Variants in OSBPL10 observed in about 807,000 individuals in gnomAD.
The protein encoded by OSBPL10 is oxysterol binding protein like 10.
OSBPL10 carries 49 observed loss-of-function variants against 81.7 expected under a neutral mutation model. The ratio of observed to expected loss-of-function variants is 0.60; its 90% CI spans 0.48 to 0.76. The LOEUF is 0.76. Among genes scored for constraint, OSBPL10 ranks in the 30% least tolerant of loss-of-function variants. The pLI is 0.00. For missense variants in OSBPL10, 923 were observed against 987.8 expected (o/e 0.93, Z 0.88); for synonymous variants, 419 against 383.6 (o/e 1.09, Z -1.08).
At chr3:31,883,819 T>C (rs1338316629) in intron 1 of OSBPL10, among the ~76,000 whole-genome samples, 1 of 152,202 alleles carries the variant, frequency 6.6e-6, no homozygotes, top group African/African-American at 2.4e-5. Context: ...CCACCGTGCC[T>C]GGCCACATGC....
chr3:31,744,274 C>T (rs1452847599), intron 5 of OSBPL10, among the ~76,000 whole-genome samples: 2 of 152,078 alleles, frequency 1.3e-5, no homozygotes, highest in Non-Finnish European at 2.9e-5. Context: ...GGTGCGGTGG[C>T]TCACGCCTAT....
At chr3:31,879,889 G>A (rs1695508923) in intron 1 of OSBPL10, 59 bp from the exon 2 acceptor site, 2 of 1,497,402 alleles carry the variant, frequency 1.3e-6, no homozygotes, top group Admixed American at 2.3e-5. Context: ...GCACAGCAAA[G>A]CAGAAAAAAG....
intron 4 of OSBPL10, among the ~76,000 whole-genome samples, chr3:31,801,405 T>C (rs1395942484): frequency 1.3e-5 from 2 of 152,210 alleles, no homozygotes; most frequent in Non-Finnish European, 2.9e-5. Context: ...TATAACCTCC[T>C]GTAACCCTTG....
chr3:32,052,934 C>T (rs112916453), intron 1 of OSBPL10, among the ~76,000 whole-genome samples: 29 of 151,598 alleles, frequency 1.9e-4, no homozygotes, highest in African/African-American at 7.0e-4. Context: ...CAAACCTGCA[C>T]GTTCTGCACA....
chr3:31,903,357 T>A (rs1696310115), intron 1 of OSBPL10, among the ~76,000 whole-genome samples: 1 of 148,242 alleles, frequency 6.7e-6, no homozygotes, highest in Non-Finnish European at 1.5e-5. Context: ...AGACAAGGTC[T>A]CACTATGTTG....
At chr3:31,710,350 G>T (rs1048009656) in intron 6 of OSBPL10, among the ~76,000 whole-genome samples, 5 of 152,188 alleles carry the variant, frequency 3.3e-5, no homozygotes, top group African/African-American at 1.2e-4. Flanking sequence ...GCACACAGTG[G>T]TATGTTGACT....
chr3:31,805,020 A>G (rs1699487832), intron 4 of OSBPL10, among the ~76,000 whole-genome samples: 3 of 152,184 alleles, frequency 2.0e-5, no homozygotes. Context: ...ATCATTGACA[A>G]AATTCGTAAT....
At chr3:31,969,899 TG>T (rs1698506236) in intron 1 of OSBPL10, among the ~76,000 whole-genome samples, 1 of 145,762 alleles carries the variant, frequency 6.9e-6, no homozygotes. Context: ...GCCTCTTCTT[TG>T]GAAAGGCCAT....
chr3:31,770,385 C>T (rs1327704390), intron 4 of OSBPL10, among the ~76,000 whole-genome samples: 1 of 152,078 alleles, frequency 6.6e-6, no homozygotes, highest in African/African-American at 2.4e-5. Context: ...CCTGTGTGGT[C>T]TGTTCTCCTT....
intron 4 of OSBPL10, among the ~76,000 whole-genome samples, chr3:31,752,352 C>T (rs1022881015): frequency 2.6e-5 from 4 of 152,176 alleles, no homozygotes; most frequent in Admixed American, 2.0e-4. Flanking sequence ...TTAGCTTCCA[C>T]GATCAAGGCA....
At position 31,809,406 on chromosome 3, in the gene OSBPL10, A is replaced by C. The variant is rs544390280; in HGVS notation, c.729+20634T>G. Among the ~76,000 whole-genome samples, 15 of 152,356 alleles carry C rather than the reference A, an allele frequency of 9.8e-5. No individual in the cohort carries two copies. The South Asian group carries it at 3.1e-3, about 32-fold the overall frequency. On this transcript the variant is annotated intron_variant, in intron 4 of 11. Transcript: ENST00000396556. The stretch of plus-strand genomic sequence containing the variant: ...GGAACATGTAGGATCCACAAACTTT[A>C]AAATGCTCCTGAGGAACACAAACAA...
chr3:31,754,030 A>T (rs1902342), intron 4 of OSBPL10, among the ~76,000 whole-genome samples: 75,087 of 151,954 alleles, frequency 0.49, 18,876 homozygotes, highest in East Asian at 0.65. Flanking sequence ...TCCTGGTCTC[A>T]CACCTGAACA....
At chr3:32,053,840 G>A (rs1161312062) in intron 1 of OSBPL10, among the ~76,000 whole-genome samples, 1 of 152,036 alleles carries the variant, frequency 6.6e-6, no homozygotes, top group African/African-American at 2.4e-5. Context: ...TGGGTGTAGT[G>A]GCATGTGCCT....
At chr3:31,807,302 G>A (rs754331967) in intron 4 of OSBPL10, among the ~76,000 whole-genome samples, 5 of 152,016 alleles carry the variant, frequency 3.3e-5, no homozygotes, top group Non-Finnish European at 7.4e-5. Context: ...GAACCCAGGA[G>A]GTGTAGGCTG....
rs1040894985 is a variant in OSBPL10 at position 31,791,539 on chromosome 3, A to G, written c.729+38501T>C. Among the ~76,000 whole-genome samples, 7 of 152,324 alleles carry G rather than the reference A, an allele frequency of 4.6e-5. No individual in the cohort carries two copies. The South Asian group carries it at 6.2e-4, about 14-fold the overall frequency. ...TCTTATGCCCCAGAGGTAGTTCACT[A>G]TAACTATATTCTAATATGTGTTTAT... is the stretch of plus-strand genomic sequence containing the variant. On this transcript the variant is annotated intron_variant, in intron 4 of 11. Transcript: ENST00000396556.
intron 1 of OSBPL10, among the ~76,000 whole-genome samples, chr3:31,911,513 G>A (rs1024356067): frequency 6.6e-6 from 1 of 151,710 alleles, no homozygotes; most frequent in African/African-American, 2.4e-5. Context: ...CTACAACAGG[G>A]GTGTCCAATC....
At chr3:31,704,527 G>A (rs1031087139) in intron 6 of OSBPL10, 14 of 152,212 alleles carry the variant, frequency 9.2e-5, no homozygotes, top group African/African-American at 3.4e-4. Context: ...CCAACAGGTG[G>A]AGTGGGCTGC....
intron 1 of OSBPL10, among the ~76,000 whole-genome samples, chr3:31,949,688 A>T (rs1032827015): frequency 2.0e-5 from 3 of 149,312 alleles, no homozygotes; most frequent in African/African-American, 7.3e-5. Context: ...AAAAAAAAAA[A>T]AAAAAAAAAA....
At chr3:32,054,785 C>T (rs1699695391) in intron 1 of OSBPL10, among the ~76,000 whole-genome samples, 1 of 152,144 alleles carries the variant, frequency 6.6e-6, no homozygotes, top group Non-Finnish European at 1.5e-5. Context: ...CCTGCCTCAG[C>T]CTCCCAAAGT....
Sources: gnomAD v4.1 joint callset for allele counts (sites outside exome capture counted in the v4.1 genomes callset) on GRCh38, gnomAD v4.1.1 for gene constraint, MANE v1.5 for transcripts, NCBI Gene and HGNC (gene_info 2026-07-23, HGNC 2026-07-21) for gene names.